CAP1: variants seen among roughly 807,000 people sequenced by gnomAD.
The protein encoded by CAP1 is adenylyl cyclase-associated protein 1.
In CAP1, 11 loss-of-function variants were observed where a neutral mutation model predicts 58.2. The ratio of observed to expected loss-of-function variants is 0.19; its 90% CI spans 0.12 to 0.31. The LOEUF is 0.31. Among genes scored for constraint, CAP1 ranks in the 10% least tolerant of loss-of-function variants. The pLI, the probability that CAP1 is intolerant of heterozygous loss-of-function variation, is 1.00. For synonymous variants in CAP1, 183 were observed against 213.8 expected (o/e 0.86, Z 1.26); for missense variants, 423 against 587.5 (o/e 0.72, Z 2.89).
intron 7 of CAP1, among the ~76,000 whole-genome samples, chr1:40,067,043 G>A (rs1002621190): frequency 2.0e-5 from 3 of 152,200 alleles, no homozygotes; most frequent in African/African-American, 7.2e-5. Context: ...GTGTTTGGGG[G>A]ATAGTAGAAA....
intron 8 of CAP1, among the ~76,000 whole-genome samples, chr1:40,068,564 C>T (rs1647227389): frequency 6.6e-6 from 1 of 151,944 alleles, no homozygotes; most frequent in Non-Finnish European, 1.5e-5. Flanking sequence ...AGGTGTGAGC[C>T]ACCACGCCCG....
Position 40,060,059 on chromosome 1 carries a change from G to T in CAP1, c.113-8G>T. The T allele has an allele frequency of 6.2e-7, 1 of 1,610,234 alleles. No homozygotes were observed. Among genetic ancestry groups the T allele is most frequent in the Non-Finnish European group, 8.5e-7 (1 of 1,177,720 alleles). ...ATGGCTGATTCTTTGTGGTGTGTTTGTCTTTAGCAGGAGCAGCTCCATATG... is the reference window on the plus strand; with the variant it reads ...ATGGCTGATTCTTTGTGGTGTGTTTTTCTTTAGCAGGAGCAGCTCCATATG... On this transcript the variant is annotated splice_region_variant and splice_polypyrimidine_tract_variant and intron_variant, in intron 2 of 12. Coordinates refer to ENST00000372805, the MANE Select transcript of CAP1 (RefSeq NM_006367.4).
At chr1:40,047,433 CTTTGTTTTGT>C (rs1322884285) in intron 1 of CAP1, among the ~76,000 whole-genome samples, 2 of 152,120 alleles carry the variant, frequency 1.3e-5, no homozygotes, top group South Asian at 4.1e-4. Flanking sequence ...AGCAGACTTG[CTTTGTTTTGT>C]TTTGTTTTTT....
intron 7 of CAP1, among the ~76,000 whole-genome samples, chr1:40,066,705 T>A (rs1320359960): frequency 6.6e-6 from 1 of 152,058 alleles, no homozygotes; most frequent in African/African-American, 2.4e-5. Flanking sequence ...AAGAGAAGAG[T>A]GCTTCTCACT....
intron 4 of CAP1, 50 bp from the exon 5 acceptor site, chr1:40,064,177 A>G: frequency 1.3e-6 from 2 of 1,596,376 alleles, no homozygotes; most frequent in Non-Finnish European, 8.6e-7. Context: ...AGGCATAGAC[A>G]CCTTTGTGGA....
chr1:40,067,602 T>TC lies in CAP1; in HGVS notation c.698dup (p.Pro234SerfsTer17). 1 of 1,597,856 alleles carries TC rather than the reference T, an allele frequency of 6.3e-7. No individual in the cohort carries two copies. The highest frequency in any genetic ancestry group is 8.5e-7 in the Non-Finnish European group (1 of 1,169,718). On this transcript the variant is annotated frameshift_variant, in exon 8 of 13. Transcript: ENST00000372805. LOFTEE classifies it high-confidence loss of function. Reference sequence around the variant, plus strand: ...GACCCTCTGCCGGATCATGTCCTCCTCCCCCTCCACCATGCCCCCCTCCTC... The same window carrying TC: ...GACCCTCTGCCGGATCATGTCCTCCTCCCCCCTCCACCATGCCCCCCTCCTC...
intron 1 of CAP1, among the ~76,000 whole-genome samples, chr1:40,052,180 T>G (rs1156344818): frequency 6.6e-6 from 1 of 152,152 alleles, no homozygotes; most frequent in Non-Finnish European, 1.5e-5. Context: ...GTGCTAACAT[T>G]TTACATTTGA....
intron 1 of CAP1, among the ~76,000 whole-genome samples, chr1:40,044,265 G>GT (rs1645978964): frequency 6.6e-6 from 1 of 152,054 alleles, no homozygotes; most frequent in African/African-American, 2.4e-5. Flanking sequence ...CCTCCTTTCA[G>GT]TTTTTTGTGA....
intron 1 of CAP1, among the ~76,000 whole-genome samples, chr1:40,056,374 C>T (rs1291836536): frequency 1.3e-5 from 2 of 151,280 alleles, no homozygotes; most frequent in East Asian, 3.9e-4. Flanking sequence ...CTACTCATTG[C>T]ATCCTCGACC....
intron 1 of CAP1, among the ~76,000 whole-genome samples, chr1:40,043,220 C>A (rs1029485200): frequency 5.3e-5 from 8 of 152,038 alleles, no homozygotes; most frequent in Admixed American, 1.3e-4. Flanking sequence ...TGTTTTGAGA[C>A]GGAGTCTTGC....
chr1:40,061,156 C>CTTTTTTTTT (rs34925764), intron 3 of CAP1, among the ~76,000 whole-genome samples: 1 of 147,178 alleles, frequency 6.8e-6, no homozygotes, highest in Non-Finnish European at 1.5e-5. Context: ...TTCTGCTGTA[C>CTTTTTTTTT]TTTTTTTTTT....
intron 7 of CAP1, among the ~76,000 whole-genome samples, chr1:40,066,952 A>G (rs573111709): frequency 2.6e-5 from 4 of 152,328 alleles, no homozygotes; most frequent in African/African-American, 9.6e-5. Flanking sequence ...GGGAGTGATA[A>G]TGATTCAATT....
intron 4 of CAP1, among the ~76,000 whole-genome samples, chr1:40,063,217 G>T (rs572165119): frequency 6.6e-5 from 10 of 150,488 alleles, no homozygotes; most frequent in African/African-American, 2.0e-4. Flanking sequence ...TCTCTCTGTC[G>T]CCCAGGCTGG....
chr1:40,064,418 G>C, intron 5 of CAP1, 48 bp downstream of exon 5: 1 of 1,613,394 alleles, frequency 6.2e-7, no homozygotes, highest in Non-Finnish European at 8.5e-7. Flanking sequence ...GATTTTAAGA[G>C]GGAAGGCAAT....
intron 1 of CAP1, among the ~76,000 whole-genome samples, chr1:40,045,716 C>T (rs1646063678): frequency 6.6e-6 from 1 of 152,170 alleles, no homozygotes; most frequent in African/African-American, 2.4e-5. Context: ...CCACCACACT[C>T]AGCTAATTTT....
intron 1 of CAP1, among the ~76,000 whole-genome samples, chr1:40,051,579 GT>G (rs941352010): frequency 6.6e-6 from 1 of 151,948 alleles, no homozygotes; most frequent in African/African-American, 2.4e-5. Flanking sequence ...TTTTTGTTTT[GT>G]TTTTTTGTTT....
At chr1:40,066,160 C>T (rs1265921625) in intron 6 of CAP1, 55 bp from the exon 7 acceptor site, 6 of 973,788 alleles carry the variant, frequency 6.2e-6, no homozygotes, top group Non-Finnish European at 1.0e-5. Context: ...GTTCTGGAGT[C>T]ACCACTGTTA....
rs571719162 is a variant in CAP1, at chr1:40,065,934, G to GA, written c.525-271dup. 6.0e-4 allele frequency among the ~76,000 whole-genome samples: 89 copies of GA among 148,054 alleles called. 2 individuals are homozygous for GA. The Middle Eastern group carries it at 0.031, about 52-fold the overall frequency. ...TTCAATAAGCAGCAAGTGGTCAAAA[G>GA]AAAAAAAAAAGTTTTGGTACTTAAA... On this transcript the variant is annotated intron_variant, in intron 6 of 12. Transcript: ENST00000372805.
chr1:40,071,066 T>C (rs1160618585), intron 12 of CAP1, 87 bp downstream of exon 12: 1 of 1,291,458 alleles, frequency 7.7e-7, no homozygotes, highest in African/African-American at 1.5e-5. Context: ...TTATGAACAT[T>C]CTGCACTGAG....
Sources: allele counts gnomAD v4.1 joint callset (sites outside exome capture counted in the v4.1 genomes callset), GRCh38; gene constraint gnomAD v4.1.1; transcripts MANE v1.5; gene names NCBI Gene and HGNC (gene_info 2026-07-23, HGNC 2026-07-21).